ALDH1L2: variants seen among roughly 807,000 people sequenced by gnomAD.
The protein encoded by ALDH1L2 is mitochondrial 10-formyltetrahydrofolate dehydrogenase.
In ALDH1L2, 91 loss-of-function variants were observed where a neutral mutation model predicts 111.0. The observed-to-expected ratio is 0.82, with a 90% confidence interval of 0.69 to 0.98. The LOEUF is 0.98. ALDH1L2 is among the 50% of genes least tolerant of loss of function. ALDH1L2 has a pLI of 0.00. For missense variants in ALDH1L2, 995 were observed against 1,126.8 expected (o/e 0.88, Z 1.67); for synonymous variants, 374 against 392.6 (o/e 0.95, Z 0.56).
chr12:105,032,529 G>A (rs879367896), intron 19 of ALDH1L2, among the ~76,000 whole-genome samples: 4 of 151,900 alleles, frequency 2.6e-5, no homozygotes, highest in Admixed American at 6.6e-5. Flanking sequence ...GTGAGCCACC[G>A]CGCCCAGCTG....
intron 22 of ALDH1L2, 132 bp from the exon 23 acceptor site, chr12:105,024,611 T>C: frequency 1.2e-6 from 1 of 852,496 alleles, no homozygotes; most frequent in East Asian, 2.5e-5. Flanking sequence ...CCAGTGCTTC[T>C]CACACTTTGA....
intron 10 of ALDH1L2, 48 bp downstream of exon 10, chr12:105,058,025 T>C: frequency 6.4e-7 from 1 of 1,563,012 alleles, no homozygotes; most frequent in Non-Finnish European, 8.6e-7. Flanking sequence ...TCTTTTATAG[T>C]GTATGGATCT....
rs1020299087 is a variant in ALDH1L2 at position 105,032,078 on chromosome 12, T to C, written c.2245-144A>G. 9.9e-6 allele frequency: 8 copies of C among 806,726 alleles called. No homozygotes were observed. In the African/African-American group the frequency reaches 1.2e-4, roughly 12 times the overall value. The allele number at this position is 806,726 out of a possible 1,614,324, so 50.0% of individuals were successfully genotyped here. On this transcript the variant is annotated intron_variant, in intron 19 of 22. Coordinates refer to ENST00000258494, the MANE Select transcript of ALDH1L2 (RefSeq NM_001034173.4). ...AGCACCGGAGGTAGGTGGTTGGTTT[T>C]TTTTTTTTTTTCCTTTTTGGAGACA...
At chr12:105,064,203 G>A (rs1280037280) in intron 6 of ALDH1L2, among the ~76,000 whole-genome samples, 3 of 129,924 alleles carry the variant, frequency 2.3e-5, no homozygotes, top group South Asian at 2.5e-4. Context: ...GGCTGATCTC[G>A]AACTCCTGAC....
intron 20 of ALDH1L2, among the ~76,000 whole-genome samples, chr12:105,030,803 T>C (rs949893695): frequency 1.3e-5 from 2 of 152,220 alleles, no homozygotes; most frequent in Non-Finnish European, 2.9e-5. Context: ...ATAACCACTA[T>C]ACAGTGTCAT....
Position 105,052,229 on chromosome 12 carries a change from T to C in ALDH1L2, c.1408-12A>G. 6.3e-7 allele frequency: 1 copy of C among 1,585,434 alleles called. No homozygotes were observed. The highest frequency in any genetic ancestry group is 8.6e-7 in the Non-Finnish European group (1 of 1,169,430). On this transcript the variant is annotated splice_polypyrimidine_tract_variant and intron_variant, in intron 11 of 22. Coordinates refer to ENST00000258494, the MANE Select transcript of ALDH1L2 (RefSeq NM_001034173.4). The stretch of plus-strand genomic sequence containing the variant: ...ACTTTGCATATTGTCTATTTCAAGG[T>C]AAGTAAAAATAGGCCCCATGAGAGA...
chr12:105,034,985 TAAA>T (rs199664012), intron 18 of ALDH1L2, among the ~76,000 whole-genome samples: 2 of 94,386 alleles, frequency 2.1e-5, no homozygotes, highest in Admixed American at 9.0e-5. Context: ...TTCCATCTCA[TAAA>T]TAAATAAATA....
intron 2 of ALDH1L2, chr12:105,072,211 ATATAT>A (rs577659346): frequency 1.5e-3 from 223 of 148,024 alleles, no homozygotes; most frequent in African/African-American, 1.5e-3. Flanking sequence ...ACATTTTATA[ATATAT>A]TATTATATAT....
At position 105,030,340 on chromosome 12, in the gene ALDH1L2, A is replaced by T. The variant is rs1565948943; in HGVS notation, c.2500T>A (p.Ser834Thr). The T allele has an allele frequency of 4.3e-6, 7 of 1,610,438 alleles. No individual in the cohort carries two copies. Among genetic ancestry groups the T allele is most frequent in the Non-Finnish European group, 5.9e-6 (7 of 1,178,422 alleles). The change falls in exon 21 of 23, where the codon TCT (serine) becomes ACT (threonine). Residue 834 changes from serine (S) to threonine (T), a missense_variant. Coordinates refer to ENST00000258494, the MANE Select transcript of ALDH1L2 (RefSeq NM_001034173.4). ...AGAACCTACCCATTTTGGAATTTAGAAATGACCATAATAGGCCCAAAGGAT... is the reference window on the plus strand; with the variant it reads ...AGAACCTACCCATTTTGGAATTTAGTAATGACCATAATAGGCCCAAAGGAT... ...EESFGPIMVI[S>T]KFQNGDIDGV...
intron 21 of ALDH1L2, 82 bp from the exon 22 acceptor site, chr12:105,026,826 G>C: frequency 6.6e-7 from 1 of 1,516,610 alleles, no homozygotes; most frequent in Non-Finnish European, 9.0e-7. Context: ...TCCCATCTAT[G>C]CTAGAAACAG....
intron 18 of ALDH1L2, among the ~76,000 whole-genome samples, chr12:105,035,589 A>G (rs1874940236): frequency 6.6e-6 from 1 of 152,144 alleles, no homozygotes; most frequent in Admixed American, 6.5e-5. Flanking sequence ...AAGTGCTGAG[A>G]TTATAGGCGT....
chr12:105,084,440 G>A lies in ALDH1L2; in HGVS notation c.-4C>T, dbSNP rs1482656529. On this transcript the variant is annotated 5_prime_UTR_variant, in exon 1 of 23. Coordinates refer to ENST00000258494, the MANE Select transcript of ALDH1L2 (RefSeq NM_001034173.4). ...CCTGGCTGCCCCGCCGCAGCATGCT[G>A]GAGAGGAGCGCTAGCACTGGCGACG... is the stretch of plus-strand genomic sequence containing the variant. The A allele has an allele frequency of 1.3e-6, 2 of 1,488,776 alleles. No homozygotes were observed. Among genetic ancestry groups the A allele is most frequent in the Non-Finnish European group, 1.8e-6 (2 of 1,127,272 alleles). 92.2% of individuals were successfully genotyped at this position (1,488,776 alleles called of 1,614,324 possible). A position where few individuals can be genotyped will look rare whatever the true frequency, so the allele number is the denominator to read the frequency against.
intron 21 of ALDH1L2, among the ~76,000 whole-genome samples, chr12:105,027,316 A>G (rs1458772255): frequency 2.0e-5 from 3 of 152,224 alleles, no homozygotes; most frequent in Non-Finnish European, 1.5e-5. Context: ...ATCTTCTTCA[A>G]TGGTTCTCAT....
chr12:105,077,005 A>G (rs749398633), intron 1 of ALDH1L2, among the ~76,000 whole-genome samples: 2 of 152,208 alleles, frequency 1.3e-5, no homozygotes, highest in Non-Finnish European at 2.9e-5. Context: ...ACTTTAGCAG[A>G]TGTGTTTCTA....
chr12:105,030,386 G>A lies in ALDH1L2; in HGVS notation c.2454C>T (p.Tyr818=). Residue 818 remains tyrosine, a synonymous_variant, in exon 21 of 23, where the codon TAC becomes TAT. Coordinates refer to ENST00000258494, the MANE Select transcript of ALDH1L2 (RefSeq NM_001034173.4). ...AGGATTCCTCTTTGGCGAGGTACATGTAGTCTTCCACATCTGTGAACACGG... is the reference window on the plus strand; with the variant it reads ...AGGATTCCTCTTTGGCGAGGTACATATAGTCTTCCACATCTGTGAACACGG... ...EPTVFTDVED[Y]MYLAKEESFG... is the part of the protein sequence containing the mutation. The A allele has an allele frequency of 6.2e-7, 1 of 1,613,484 alleles. No homozygotes were observed. Among genetic ancestry groups the A allele is most frequent in the Non-Finnish European group, 8.5e-7 (1 of 1,179,652 alleles).
At chr12:105,055,402 A>G (rs1402681272) in intron 10 of ALDH1L2, among the ~76,000 whole-genome samples, 1 of 152,214 alleles carries the variant, frequency 6.6e-6, no homozygotes, top group Non-Finnish European at 1.5e-5. Context: ...AACAACAACA[A>G]CAAAAAGCAG....
intron 1 of ALDH1L2, among the ~76,000 whole-genome samples, chr12:105,081,915 C>T (rs889069182): frequency 7.9e-5 from 12 of 152,144 alleles, no homozygotes; most frequent in Admixed American, 1.3e-4. Flanking sequence ...ATAATTAGGC[C>T]GGGCACAGTG....
intron 12 of ALDH1L2, 34 bp from the exon 13 acceptor site, chr12:105,050,092 G>A (rs375940104): frequency 3.3e-4 from 499 of 1,533,900 alleles, no homozygotes; most frequent in Non-Finnish European, 4.2e-4. Flanking sequence ...AATTCAACAA[G>A]TATTGATTGA....
chr12:105,046,854 A>G (rs1474952829), intron 14 of ALDH1L2, 39 bp from the exon 15 acceptor site: 1 of 1,612,546 alleles, frequency 6.2e-7, no homozygotes, highest in African/African-American at 1.3e-5. Flanking sequence ...GTTGTTTCAA[A>G]TAACACAACT....
Sources: gnomAD v4.1 joint callset for allele counts (sites outside exome capture counted in the v4.1 genomes callset) on GRCh38, gnomAD v4.1.1 for gene constraint, MANE v1.5 for transcripts, NCBI Gene and HGNC (gene_info 2026-07-23, HGNC 2026-07-21) for gene names.